Variants in STK4 observed in about 807,000 individuals in gnomAD.
The protein encoded by STK4 is serine/threonine-protein kinase 4.
Under a neutral mutation model 64.9 loss-of-function variants are expected in STK4, and 30 were observed. The observed-to-expected ratio is 0.46, with a 90% CI of 0.35 to 0.63. STK4 has a LOEUF of 0.63. Among genes scored for constraint, STK4 ranks in the 20% least tolerant of loss-of-function variants. The pLI, the probability that STK4 is intolerant of heterozygous loss-of-function variation, is 0.01. For missense variants in STK4, 466 were observed against 598.5 expected, an observed-to-expected ratio of 0.78 and a Z score of 2.31; for synonymous variants, 177 against 199.0, an observed-to-expected ratio of 0.89 and a Z score of 0.93.
intron 10 of STK4, among the ~76,000 whole-genome samples, chr20:45,068,533 G>A (rs796538038): frequency 2.6e-5 from 4 of 152,220 alleles, no homozygotes; most frequent in African/African-American, 7.2e-5. Context: ...AAAGTCACCC[G>A]TTACCACTAG....
chr20:45,011,301 A>G (rs2068039882), intron 9 of STK4, among the ~76,000 whole-genome samples: 1 of 152,146 alleles, frequency 6.6e-6, no homozygotes. Flanking sequence ...TTAATGGGTT[A>G]TAATCGTGTT....
At chr20:45,001,374 A>G in intron 9 of STK4, 21 bp downstream of exon 9, 5 of 1,596,442 alleles carry the variant, frequency 3.1e-6, no homozygotes, top group Non-Finnish European at 4.3e-6. Flanking sequence ...GAGTAAATTC[A>G]CTGACTTCTT....
intron 5 of STK4, among the ~76,000 whole-genome samples, chr20:44,987,777 C>G (rs1420382447): frequency 6.6e-6 from 1 of 151,438 alleles, no homozygotes; most frequent in Non-Finnish European, 1.5e-5. Flanking sequence ...AAAAAAAAAA[C>G]TTGTTTTCAA....
chr20:45,021,448 A>C (rs1407022175), intron 9 of STK4, among the ~76,000 whole-genome samples: 1 of 152,358 alleles, frequency 6.6e-6, no homozygotes, highest in East Asian at 1.9e-4. Context: ...ACTCTCACAC[A>C]TGAAGAAAGA....
At chr20:45,006,873 A>G (rs989094943) in intron 9 of STK4, among the ~76,000 whole-genome samples, 1 of 152,120 alleles carries the variant, frequency 6.6e-6, no homozygotes, top group Non-Finnish European at 1.5e-5. Flanking sequence ...TTTAACAGGT[A>G]TGTCTTGCCT....
At chr20:45,068,674 G>A (rs570802307) in intron 10 of STK4, among the ~76,000 whole-genome samples, 1 of 152,196 alleles carries the variant, frequency 6.6e-6, no homozygotes, top group East Asian at 1.9e-4. Context: ...CCAGTTGCTT[G>A]TTGTCTCTTC....
In STK4 at chr20:45,076,313, G is replaced by A. The variant is rs1980510162; in HGVS notation, c.*1137G>A. 1.3e-5 allele frequency: 2 copies of A among 152,180 alleles called. No individual in the cohort carries two copies. Among genetic ancestry groups the A allele is most frequent in the African/African-American group, 2.4e-5 (1 of 41,432 alleles). The allele number at this position is 152,180 out of a possible 1,614,324, so 9.4% of individuals were successfully genotyped here. On this transcript the variant is annotated 3_prime_UTR_variant, in exon 11 of 11. Transcript: ENST00000372806. This position sits in a 1 kb window ranked among gnomAD's most constrained non-coding sequence, Gnocchi z 4.0. ...ATCATCTGATCTGATCCTCTTGTAC[G>A]GATGATCGCAAAACTGAGGTGTAGA...
chr20:44,975,110 T>A (rs1362515954), intron 2 of STK4: 1 of 152,346 alleles, frequency 6.6e-6, no homozygotes, highest in African/African-American at 2.4e-5. Context: ...GACTTGTATC[T>A]GATTAATTTG....
chr20:44,969,159 T>G (rs2145624023), intron 1 of STK4, among the ~76,000 whole-genome samples: 1 of 152,298 alleles, frequency 6.6e-6, no homozygotes, highest in African/African-American at 2.4e-5. Flanking sequence ...TGTCTCCAAA[T>G]ACAGTCACAT....
chr20:44,967,138 G>A (rs1041777902), intron 1 of STK4: 2 of 985,138 alleles, frequency 2.0e-6, no homozygotes, highest in African/African-American at 1.7e-5. Context: ...GGGAGGGGAT[G>A]GTGGAGGGTA....
chr20:45,024,384 G>A (rs1173395917), intron 9 of STK4, among the ~76,000 whole-genome samples: 1 of 149,670 alleles, frequency 6.7e-6, no homozygotes, highest in Non-Finnish European at 1.5e-5. Flanking sequence ...ATTTTTTCCT[G>A]TAAGTTTATT....
At chr20:44,992,416 G>A (rs2067651894) in intron 5 of STK4, among the ~76,000 whole-genome samples, 1 of 151,518 alleles carries the variant, frequency 6.6e-6, no homozygotes, top group Admixed American at 6.6e-5. Flanking sequence ...GTGCCACTTC[G>A]CCCAGTTAAA....
chr20:45,016,553 T>TA (rs1451606732), intron 9 of STK4, among the ~76,000 whole-genome samples: 3 of 152,190 alleles, frequency 2.0e-5, no homozygotes, highest in African/African-American at 7.2e-5. Context: ...GGCCCCCTTT[T>TA]ATCTTTGGAA....
chr20:45,070,515 G>A (rs1979963660), intron 10 of STK4, among the ~76,000 whole-genome samples: 1 of 152,112 alleles, frequency 6.6e-6, no homozygotes, highest in African/African-American at 2.4e-5. Context: ...CCTGAGATGG[G>A]GAAGACTGGG....
chr20:45,010,616 A>G (rs201915963), intron 9 of STK4, among the ~76,000 whole-genome samples: 13 of 152,308 alleles, frequency 8.5e-5, no homozygotes, highest in Non-Finnish European at 1.3e-4. Context: ...TGAGTAATAG[A>G]GAAGCCAAGA....
intron 10 of STK4, among the ~76,000 whole-genome samples, chr20:45,072,533 T>G (rs1980157190): frequency 6.6e-6 from 1 of 152,238 alleles, no homozygotes; most frequent in Admixed American, 6.5e-5. Context: ...AAATGTAAGC[T>G]TCACAAGGGC....
rs2067818030 is a variant in STK4, at chr20:45,000,525, G to A, written c.960+5G>A. ...CAGGACGATGAAGAAAACTCAGTGAGTGGCAGCCGTTGCTGTGGGCCTCAG... is the reference window on the plus strand; with the variant it reads ...CAGGACGATGAAGAAAACTCAGTGAATGGCAGCCGTTGCTGTGGGCCTCAG... On this transcript the variant is annotated splice_donor_5th_base_variant and intron_variant, in intron 8 of 10. Coordinates refer to ENST00000372806, the MANE Select transcript of STK4 (RefSeq NM_006282.5). 1 of 1,613,666 alleles carries A rather than the reference G, an allele frequency of 6.2e-7. No homozygotes were observed. Among genetic ancestry groups the A allele is most frequent in the Non-Finnish European group, 8.5e-7 (1 of 1,179,806 alleles).
At chr20:45,054,098 A>C (rs1042272117) in intron 10 of STK4, among the ~76,000 whole-genome samples, 2 of 152,268 alleles carry the variant, frequency 1.3e-5, no homozygotes, top group Non-Finnish European at 2.9e-5. Flanking sequence ...AAAATTTGCC[A>C]GTTCATTGTT....
chr20:45,001,419 C>G, intron 9 of STK4, 66 bp downstream of exon 9: 1 of 1,526,396 alleles, frequency 6.6e-7, no homozygotes, highest in South Asian at 1.3e-5. Flanking sequence ...AAGACAGATT[C>G]TCATGGTTCA....
Sources: allele counts gnomAD v4.1 joint callset (sites outside exome capture counted in the v4.1 genomes callset), GRCh38; gene constraint gnomAD v4.1.1; non-coding constraint Gnocchi (gnomAD v3.1); transcripts MANE v1.5; gene names NCBI Gene and HGNC (gene_info 2026-07-23, HGNC 2026-07-21).